Variants in KHDRBS2 observed in about 807,000 individuals in gnomAD.
KHDRBS2 encodes KH domain-containing, RNA-binding, signal transduction-associated protein 2.
KHDRBS2 carries 26 observed loss-of-function variants against 44.3 expected under a neutral mutation model. The ratio of observed to expected loss-of-function variants is 0.59; its 90% CI spans 0.43 to 0.81. The LOEUF is 0.81. KHDRBS2 is among the 40% of genes least tolerant of loss of function. The pLI is 0.00. For synonymous variants in KHDRBS2, 194 were observed against 151.1 expected (o/e 1.28, Z -2.08); for missense variants, 476 against 433.1 (o/e 1.10, Z -0.88).
At chr6:62,220,026 CAA>C (rs1830639823) in intron 1 of KHDRBS2, among the ~76,000 whole-genome samples, 1 of 149,628 alleles carries the variant, frequency 6.7e-6, no homozygotes, top group African/African-American at 2.4e-5. Flanking sequence ...ATAAAAAAGA[CAA>C]AGAACATACT....
chr6:62,108,254 A>C (rs1804008571), intron 2 of KHDRBS2, among the ~76,000 whole-genome samples: 1 of 152,196 alleles, frequency 6.6e-6, no homozygotes, highest in African/African-American at 2.4e-5. Context: ...AGAAGAAAAA[A>C]ACAAAGAACC....
chr6:61,591,136 A>G, the KHDRBS2 span, among the ~76,000 whole-genome samples: 1 of 152,262 alleles, frequency 6.6e-6, no homozygotes, highest in Admixed American at 6.5e-5. Context: ...TGCTTCAGGG[A>G]CTTGCACTTG....
chr6:61,995,821 C>A (rs1289297356), intron 3 of KHDRBS2, among the ~76,000 whole-genome samples: 1 of 152,150 alleles, frequency 6.6e-6, no homozygotes, highest in Non-Finnish European at 1.5e-5. Context: ...TAAGTTGATT[C>A]ACCACTCTTC....
At chr6:62,153,667 A>G (rs898771029) in intron 2 of KHDRBS2, among the ~76,000 whole-genome samples, 7 of 152,184 alleles carry the variant, frequency 4.6e-5, no homozygotes, top group Non-Finnish European at 1.0e-4. Flanking sequence ...GGCCATGCTT[A>G]CTTACATCAT....
the KHDRBS2 span, among the ~76,000 whole-genome samples, chr6:61,611,284 A>G: frequency 2.6e-5 from 4 of 152,198 alleles, no homozygotes; most frequent in African/African-American, 9.7e-5. Context: ...CACCTGGGCT[A>G]TTGCATATAC....
chr6:62,203,214 T>A (rs1359567763), intron 1 of KHDRBS2, among the ~76,000 whole-genome samples: 1 of 151,974 alleles, frequency 6.6e-6, no homozygotes, highest in African/African-American at 2.4e-5. Flanking sequence ...CTCATGGCAA[T>A]GGGATGTTAG....
chr6:61,854,116 C>T (rs1432404739), intron 6 of KHDRBS2, among the ~76,000 whole-genome samples: 4 of 143,844 alleles, frequency 2.8e-5, no homozygotes, highest in African/African-American at 1.0e-4. Context: ...TTCTGGAACT[C>T]TCTAAAGAAT....
chr6:61,721,340 G>A (rs1180521356), intron 7 of KHDRBS2, among the ~76,000 whole-genome samples: 1 of 151,844 alleles, frequency 6.6e-6, no homozygotes, highest in Non-Finnish European at 1.5e-5. Flanking sequence ...CTTGATGGGG[G>A]TGGCATTGAA....
intron 6 of KHDRBS2, among the ~76,000 whole-genome samples, chr6:61,843,536 T>C (rs1413943533): frequency 6.6e-6 from 1 of 151,744 alleles, no homozygotes; most frequent in Non-Finnish European, 1.5e-5. Context: ...GGCTAATTTT[T>C]GTATTTTTTT....
chr6:61,584,716 G>C, the KHDRBS2 span, among the ~76,000 whole-genome samples: 1 of 151,770 alleles, frequency 6.6e-6, no homozygotes, highest in South Asian at 2.1e-4. Flanking sequence ...TTCTTGTTTA[G>C]TCATCCTACA....
chr6:61,729,414 C>T (rs1052679392), intron 7 of KHDRBS2, among the ~76,000 whole-genome samples: 4 of 152,054 alleles, frequency 2.6e-5, no homozygotes, highest in Non-Finnish European at 5.9e-5. Context: ...CACAACAAAC[C>T]GCCATGACAG....
At chr6:62,037,814 T>G (rs912339517) in intron 3 of KHDRBS2, among the ~76,000 whole-genome samples, 34 of 152,130 alleles carry the variant, frequency 2.2e-4, no homozygotes, top group Non-Finnish European at 4.1e-4. Context: ...ACTGTCCATC[T>G]CAAAACTCTG....
At chr6:62,064,343 A>C (rs1792938955) in intron 2 of KHDRBS2, among the ~76,000 whole-genome samples, 2 of 148,888 alleles carry the variant, frequency 1.3e-5, no homozygotes, top group Non-Finnish European at 3.0e-5. Flanking sequence ...AGCCAAAAGA[A>C]CAAAGCTGGA....
intron 2 of KHDRBS2, among the ~76,000 whole-genome samples, chr6:62,067,608 T>G (rs1794046403): frequency 6.6e-6 from 1 of 151,550 alleles, no homozygotes; most frequent in Non-Finnish European, 1.5e-5. Context: ...ATAAAATTAG[T>G]TCATTAAAAG....
At chr6:62,138,060 C>T (rs1430637072) in intron 2 of KHDRBS2, among the ~76,000 whole-genome samples, 1 of 152,162 alleles carries the variant, frequency 6.6e-6, no homozygotes. Flanking sequence ...AGGATTTTAA[C>T]TGACGTGTGG....
At chr6:61,986,964 T>C (rs752529934) in intron 3 of KHDRBS2, among the ~76,000 whole-genome samples, 13 of 152,230 alleles carry the variant, frequency 8.5e-5, no homozygotes, top group Non-Finnish European at 1.8e-4. Context: ...CAGAATCATG[T>C]GTACTTTCTT....
chr6:61,933,079 A>C (rs1232166189), intron 4 of KHDRBS2, among the ~76,000 whole-genome samples: 5 of 152,186 alleles, frequency 3.3e-5, no homozygotes, highest in Non-Finnish European at 7.3e-5. Flanking sequence ...ACGTTTTCAC[A>C]GGCTGTACAG....
rs571785930 is a variant in KHDRBS2 at position 61,752,125 on chromosome 6, C to T, written c.811-19361G>A. 2.0e-3 allele frequency among the ~76,000 whole-genome samples: 308 copies of T among 152,212 alleles called. 4 individuals carry two copies. Among genetic ancestry groups the T allele is most frequent in the Admixed American group, 6.9e-3 (106 of 15,288 alleles). On this transcript the variant is annotated intron_variant, in intron 6 of 8. Transcript: ENST00000281156. ...AACATATGAATTTGTGGGAGGAAGACGCAATTCCACCCATAAGGAAGTGAG... is the reference window on the plus strand; with the variant it reads ...AACATATGAATTTGTGGGAGGAAGATGCAATTCCACCCATAAGGAAGTGAG...
chr6:61,936,247 T>C (rs1357035291), intron 4 of KHDRBS2, among the ~76,000 whole-genome samples: 1 of 152,030 alleles, frequency 6.6e-6, no homozygotes, highest in African/African-American at 2.4e-5. Flanking sequence ...TTTTCTTTCT[T>C]TTTTTATTCC....
Sources: gnomAD v4.1 joint callset for allele counts (sites outside exome capture counted in the v4.1 genomes callset) on GRCh38, gnomAD v4.1.1 for gene constraint, MANE v1.5 for transcripts, NCBI Gene and HGNC (gene_info 2026-07-23, HGNC 2026-07-21) for gene names.